TRPM7: variants seen among roughly 807,000 people sequenced by gnomAD.
TRPM7 encodes the protein transient receptor potential cation channel subfamily M member 7, also known as LTRPC ion channel family member 7.
In TRPM7, 134 loss-of-function variants were observed where a neutral mutation model predicts 229.7. That is an observed-to-expected ratio of 0.58 (90% CI 0.51 to 0.67). TRPM7 has a LOEUF of 0.67. TRPM7 is among the 30% of genes least tolerant of loss of function. TRPM7 has a pLI of 0.00. For missense variants in TRPM7, 1,901 were observed against 2,210.0 expected (o/e 0.86, Z 2.80); for synonymous variants, 699 against 715.2 (o/e 0.98, Z 0.36).
At chr15:50,666,096 G>GA (rs1012755939) in intron 1 of TRPM7, among the ~76,000 whole-genome samples, 2 of 152,056 alleles carry the variant, frequency 1.3e-5, no homozygotes, top group South Asian at 2.1e-4. Flanking sequence ...TAAAATTAAA[G>GA]AAAAAAATCA....
intron 1 of TRPM7, among the ~76,000 whole-genome samples, chr15:50,684,993 GTCTTTT>G (rs1450152303): frequency 1.3e-5 from 2 of 152,122 alleles, no homozygotes; most frequent in Non-Finnish European, 2.9e-5. Flanking sequence ...AAAAGTCCTT[GTCTTTT>G]TAGACATAAA....
intron 4 of TRPM7, among the ~76,000 whole-genome samples, chr15:50,645,369 C>A (rs546360839): frequency 1.1e-4 from 16 of 147,368 alleles, no homozygotes; most frequent in Non-Finnish European, 2.0e-4. Context: ...AGGATTTGTT[C>A]TTTTTTTTTT....
Position 50,605,160 on chromosome 15 carries a change from C to CA in TRPM7, c.2710-17dup. 1 of 1,547,972 alleles carries CA rather than the reference C, an allele frequency of 6.5e-7. No homozygotes were observed. Among genetic ancestry groups the CA allele is most frequent in the Non-Finnish European group, 8.7e-7 (1 of 1,153,120 alleles). On this transcript the variant is annotated splice_polypyrimidine_tract_variant and intron_variant, in intron 20 of 38. Coordinates refer to ENST00000646667, the MANE Select transcript of TRPM7 (RefSeq NM_017672.6). ...ACATAAAGATCTAAAGGTTTAACAA[C>CA]AACAAAAAAAAGTGTAATCAGTTTA...
At chr15:50,611,418 T>C in intron 16 of TRPM7, 97 bp from the exon 17 acceptor site, 1 of 860,694 alleles carries the variant, frequency 1.2e-6, no homozygotes, top group Non-Finnish European at 1.8e-6. Context: ...TTTTTAATAT[T>C]CTCACACACA....
rs2054051575 is a variant in TRPM7 at position 50,574,699 on chromosome 15, T to G, written c.5040A>C (p.Ala1680=). The G allele has an allele frequency of 3.1e-6, 5 of 1,613,850 alleles. No homozygotes were observed. Among genetic ancestry groups the G allele is most frequent in the Middle Eastern group, 3.3e-4 (2 of 6,060 alleles). Residue 1680 remains alanine (A), a synonymous_variant, in exon 35 of 39, where the codon GCA becomes GCC. Transcript: ENST00000646667. ...TAAAGGCAAACGTAAGCTTTTGTGC[T>G]GCTCTCTGTTGTTGAATTTCCTATA... ...LCLREIQQQR[A]AQKLTFAFNQ...
chr15:50,630,910 A>G lies in TRPM7; in HGVS notation c.1204+507T>C, dbSNP rs555147239. Among the ~76,000 whole-genome samples the G allele has an allele frequency of 2.0e-5, 3 of 152,104 alleles. No individual in the cohort carries two copies. The South Asian group carries it at 6.2e-4, about 32-fold the overall frequency. ...GAATACAGCGGCATGATCACAGCTCACTGCAGCCTCAACTTTCCAGGATCA... is the reference window on the plus strand; with the variant it reads ...GAATACAGCGGCATGATCACAGCTCGCTGCAGCCTCAACTTTCCAGGATCA... On this transcript the variant is annotated intron_variant, in intron 10 of 38. Transcript: ENST00000646667.
intron 12 of TRPM7, among the ~76,000 whole-genome samples, chr15:50,621,483 C>G (rs186068108): frequency 1.4e-4 from 21 of 152,186 alleles, no homozygotes; most frequent in Non-Finnish European, 2.5e-4. Flanking sequence ...CTGGGGACAC[C>G]TGAGGCCCCC....
intron 28 of TRPM7, among the ~76,000 whole-genome samples, chr15:50,586,082 GTGA>G (rs2059335692): frequency 6.6e-6 from 1 of 152,136 alleles, no homozygotes; most frequent in South Asian, 2.1e-4. Context: ...TGTTGAATAA[GTGA>G]TGATACAGAT....
At chr15:50,649,437 CAA>C (rs541168300) in intron 3 of TRPM7, among the ~76,000 whole-genome samples, 22 of 92,730 alleles carry the variant, frequency 2.4e-4, no homozygotes, top group Non-Finnish European at 2.6e-4. Flanking sequence ...GACCCCAACT[CAA>C]AAAAAAAAAA....
At chr15:50,650,342 C>T (rs1398202733) in intron 3 of TRPM7, among the ~76,000 whole-genome samples, 1 of 151,562 alleles carries the variant, frequency 6.6e-6, no homozygotes, top group Non-Finnish European at 1.5e-5. Flanking sequence ...GATCTCATAA[C>T]ACACAAGGCT....
intron 31 of TRPM7, 105 bp downstream of exon 31, chr15:50,578,534 T>G: frequency 4.4e-6 from 5 of 1,135,214 alleles, no homozygotes; most frequent in Non-Finnish European, 6.3e-6. Flanking sequence ...TGGCTTTTTC[T>G]AGCTTGAAGT....
intron 25 of TRPM7, 151 bp from the exon 26 acceptor site, chr15:50,592,777 G>T: frequency 1.7e-6 from 1 of 597,930 alleles, no homozygotes; most frequent in Non-Finnish European, 2.8e-6. Flanking sequence ...ATTATACAAG[G>T]CCTACCTTAT....
intron 1 of TRPM7, among the ~76,000 whole-genome samples, chr15:50,682,724 A>G (rs996604739): frequency 1.3e-5 from 2 of 152,146 alleles, no homozygotes; most frequent in Non-Finnish European, 2.9e-5. Context: ...TCCAAGTCAA[A>G]CACTGTATTC....
intron 1 of TRPM7, 84 bp from the exon 2 acceptor site, chr15:50,663,130 GTTC>G (rs770160069): frequency 3.8e-6 from 4 of 1,048,536 alleles, no homozygotes; most frequent in Non-Finnish European, 5.7e-6. Context: ...CACATAAACA[GTTC>G]TTTTTTTTTT....
intron 3 of TRPM7, among the ~76,000 whole-genome samples, chr15:50,649,993 G>A (rs755100220): frequency 2.4e-4 from 37 of 151,266 alleles, no homozygotes; most frequent in Admixed American, 5.3e-4. Flanking sequence ...TCAGGAGTTC[G>A]ATACCATCCT....
At chr15:50,626,600 CA>C (rs1264932390) in intron 11 of TRPM7, among the ~76,000 whole-genome samples, 2 of 152,148 alleles carry the variant, frequency 1.3e-5, no homozygotes, top group African/African-American at 4.8e-5. Context: ...ACCACATATA[CA>C]CAGAAGATAA....
rs750264326 is a variant in TRPM7 at position 50,591,906 on chromosome 15, C to G, written c.4324+5G>C. 5.9e-6 allele frequency: 9 copies of G among 1,534,760 alleles called. No homozygotes were observed. Among genetic ancestry groups the G allele is most frequent in the Non-Finnish European group, 7.9e-6 (9 of 1,146,264 alleles). ...GATATACAAATACGAATTTGCCAAA[C>G]TTACCTACAAATGCTCCAAATTCTG... On this transcript the variant is annotated splice_donor_5th_base_variant and intron_variant, in intron 26 of 38. Transcript: ENST00000646667.
intron 11 of TRPM7, among the ~76,000 whole-genome samples, chr15:50,626,932 T>C (rs1162852501): frequency 6.6e-6 from 1 of 151,416 alleles, no homozygotes; most frequent in Non-Finnish European, 1.5e-5. Context: ...TAGATATGCA[T>C]GAATGTTTGT....
chr15:50,608,093 G>C (rs150613426), intron 19 of TRPM7, among the ~76,000 whole-genome samples: 1 of 146,294 alleles, frequency 6.8e-6, no homozygotes, highest in South Asian at 2.2e-4. Context: ...GAAAAGAAAA[G>C]AAAAAAAGAC....
Sources: gnomAD v4.1 joint callset for allele counts (sites outside exome capture counted in the v4.1 genomes callset) on GRCh38, gnomAD v4.1.1 for gene constraint, MANE v1.5 for transcripts, NCBI Gene and HGNC (gene_info 2026-07-23, HGNC 2026-07-21) for gene names.